CSMD1: variants seen among roughly 807,000 people sequenced by gnomAD.
The protein encoded by CSMD1 is CUB and sushi domain-containing protein 1.
CSMD1 carries 213 observed loss-of-function variants against 417.5 expected under a neutral mutation model. The observed-to-expected ratio is 0.51, with a 90% CI of 0.46 to 0.57. CSMD1 has a LOEUF of 0.57. CSMD1 is among the 20% of genes least tolerant of loss of function. The probability of loss-of-function intolerance (pLI) is 0.00; values close to 1 mark genes in which losing one functional copy is unlikely to be tolerated. For synonymous variants in CSMD1, 2,862 were observed against 1,736.8 expected, an observed-to-expected ratio of 1.65 and a Z score of -16.11; for missense variants, 6,923 against 4,529.7, an observed-to-expected ratio of 1.53 and a Z score of -15.17.
chr8:4,431,602 A>C (rs1262004321), intron 2 of CSMD1, among the ~76,000 whole-genome samples: 1 of 152,174 alleles, frequency 6.6e-6, no homozygotes, highest in East Asian at 1.9e-4. Flanking sequence ...TCTTTGTGGC[A>C]AAAACCAAAA....
chr8:3,219,070 A>C (rs1276530321), intron 29 of CSMD1, among the ~76,000 whole-genome samples, 185 bp downstream of exon 29: 1 of 152,164 alleles, frequency 6.6e-6, no homozygotes. Flanking sequence ...CTCCAGTTAA[A>C]GTAGAAATGC....
intron 8 of CSMD1, among the ~76,000 whole-genome samples, chr8:3,588,995 T>A (rs901936832): frequency 6.6e-6 from 1 of 152,064 alleles, no homozygotes; most frequent in African/African-American, 2.4e-5. Context: ...GTGTCACTAA[T>A]CATCAGGGAA....
intron 2 of CSMD1, among the ~76,000 whole-genome samples, chr8:4,522,155 G>C (rs1239828154): frequency 1.3e-5 from 2 of 152,024 alleles, no homozygotes; most frequent in African/African-American, 2.4e-5. Context: ...GTCTTTCCTG[G>C]GCTGTTCTCG....
intron 2 of CSMD1, among the ~76,000 whole-genome samples, chr8:4,546,570 G>C (rs188250919): frequency 6.6e-6 from 1 of 152,198 alleles, no homozygotes. Flanking sequence ...AGCACTTCTG[G>C]TTCTCAGGCC....
chr8:4,029,491 G>C (rs1195698380), intron 4 of CSMD1, among the ~76,000 whole-genome samples: 1 of 152,110 alleles, frequency 6.6e-6, no homozygotes, highest in Non-Finnish European at 1.5e-5. Flanking sequence ...AAAACCATCA[G>C]ATCTTGAGAG....
intron 5 of CSMD1, among the ~76,000 whole-genome samples, chr8:3,977,109 G>A (rs1011150407): frequency 6.6e-6 from 1 of 151,984 alleles, no homozygotes; most frequent in African/African-American, 2.4e-5. Flanking sequence ...CTTAATTTCT[G>A]CATTATAAAA....
At chr8:4,036,224 G>T (rs1483877947) in intron 3 of CSMD1, among the ~76,000 whole-genome samples, 1 of 152,156 alleles carries the variant, frequency 6.6e-6, no homozygotes, top group East Asian at 1.9e-4. Flanking sequence ...GCATTTCTCA[G>T]AATGCATCCC....
intron 5 of CSMD1, among the ~76,000 whole-genome samples, chr8:3,756,734 T>G (rs1328240590): frequency 6.6e-6 from 1 of 152,214 alleles, no homozygotes; most frequent in Non-Finnish European, 1.5e-5. Context: ...GTTGCTGCTT[T>G]GAACATATAT....
intron 50 of CSMD1, among the ~76,000 whole-genome samples, chr8:3,036,175 CGTGA>C (rs1316375174): frequency 3.3e-5 from 5 of 152,200 alleles, no homozygotes; most frequent in South Asian, 2.1e-4. Flanking sequence ...TTAATTTGGC[CGTGA>C]GTAATTCTGA....
intron 1 of CSMD1, among the ~76,000 whole-genome samples, chr8:4,866,567 G>T (rs1585234445): frequency 6.6e-6 from 1 of 151,880 alleles, no homozygotes; most frequent in East Asian, 1.9e-4. Flanking sequence ...TAGAAACCCA[G>T]AGAAGCTCAG....
chr8:4,454,798 A>T (rs1037970448), intron 2 of CSMD1, among the ~76,000 whole-genome samples: 2 of 152,238 alleles, frequency 1.3e-5, no homozygotes, highest in Non-Finnish European at 2.9e-5. Context: ...AGCTACAACT[A>T]GAAGTGAAAA....
chr8:4,007,835 C>G lies in CSMD1; in HGVS notation c.611-9725G>C, dbSNP rs559697374. Among the ~76,000 whole-genome samples, 22 of 152,268 alleles carry G rather than the reference C, an allele frequency of 1.4e-4. No individual in the cohort carries two copies. The East Asian group carries it at 2.1e-3, about 15-fold the overall frequency. On this transcript the variant is annotated intron_variant, in intron 4 of 69. Transcript: ENST00000635120. ...TATGCACGGAATCAAACCATATCCT[C>G]TCTAAGAATAGAAGAAGAAAAGTTT...
At chr8:3,287,984 C>A (rs530013696) in intron 25 of CSMD1, among the ~76,000 whole-genome samples, 1 of 146,774 alleles carries the variant, frequency 6.8e-6, no homozygotes, top group Non-Finnish European at 1.5e-5. Context: ...CCCATCAATA[C>A]CTTATTTATT....
chr8:3,316,871 C>G (rs1805806116), intron 23 of CSMD1, among the ~76,000 whole-genome samples: 1 of 151,958 alleles, frequency 6.6e-6, no homozygotes, highest in Non-Finnish European at 1.5e-5. Context: ...TAATCAGAAG[C>G]AATGTGCAAT....
chr8:3,890,163 G>C (rs1411956150), intron 5 of CSMD1, among the ~76,000 whole-genome samples: 3 of 152,068 alleles, frequency 2.0e-5, no homozygotes, highest in South Asian at 4.1e-4. Flanking sequence ...TTCTTTTGTA[G>C]CATTTTGATA....
chr8:3,300,011 C>G (rs974351762), intron 25 of CSMD1, among the ~76,000 whole-genome samples: 8 of 151,878 alleles, frequency 5.3e-5, no homozygotes, highest in East Asian at 1.9e-4. Context: ...AGGTGACACA[C>G]GGGGAGGATG....
chr8:3,307,029 G>T (rs930780371), intron 25 of CSMD1, among the ~76,000 whole-genome samples: 1 of 124,172 alleles, frequency 8.1e-6, no homozygotes, highest in Non-Finnish European at 1.9e-5. Flanking sequence ...AGTTACTTTG[G>T]TATAATTGCA....
chr8:4,120,994 C>A (rs145979137), intron 3 of CSMD1, among the ~76,000 whole-genome samples: 11 of 152,070 alleles, frequency 7.2e-5, no homozygotes, highest in East Asian at 3.9e-4. Flanking sequence ...GAAACATGAA[C>A]CTTTTGATGG....
rs374444888 is a variant in CSMD1, at chr8:4,419,338, G to C, written c.415+615C>G. 1.2e-4 allele frequency among the ~76,000 whole-genome samples: 19 copies of C among 152,208 alleles called. No individual in the cohort carries two copies. The South Asian group carries it at 1.7e-3, about 13-fold the overall frequency. ...TTCAATTTCTTAAAACCTAATACTT[G>C]AAATGATAATTTCCTTTTCCAAAGT... is the stretch of plus-strand genomic sequence containing the variant. On this transcript the variant is annotated intron_variant, in intron 3 of 69. Coordinates refer to ENST00000635120, the MANE Select transcript of CSMD1 (RefSeq NM_033225.6).
Sources: allele counts gnomAD v4.1 joint callset (sites outside exome capture counted in the v4.1 genomes callset), GRCh38; gene constraint gnomAD v4.1.1; transcripts MANE v1.5; gene names NCBI Gene and HGNC (gene_info 2026-07-23, HGNC 2026-07-21).